Variants in ANXA4 observed in about 807,000 individuals in gnomAD.
The protein encoded by ANXA4 is annexin A4.
ANXA4 carries 39 observed loss-of-function variants against 49.8 expected under a neutral mutation model. That is an observed-to-expected ratio of 0.78 (90% confidence interval 0.61 to 1.02). The LOEUF is 1.02. Among genes scored for constraint, ANXA4 ranks in the 50% least tolerant of loss-of-function variants. The probability of loss-of-function intolerance (pLI) is 0.00; values close to 1 mark genes in which losing one functional copy is unlikely to be tolerated. For synonymous variants in ANXA4, 134 were observed against 152.5 expected (o/e 0.88, Z 0.89); for missense variants, 360 against 410.1 (o/e 0.88, Z 1.05).
intron 3 of ANXA4, among the ~76,000 whole-genome samples, chr2:69,795,248 C>T (rs1427934427): frequency 1.3e-5 from 2 of 152,178 alleles, no homozygotes; most frequent in Non-Finnish European, 2.9e-5. Context: ...TTTGAAATCC[C>T]TGAGGCAGCA....
chr2:69,767,671 A>G (rs1215759085), intron 1 of ANXA4, among the ~76,000 whole-genome samples: 2 of 152,162 alleles, frequency 1.3e-5, no homozygotes, highest in Non-Finnish European at 2.9e-5. Context: ...CTTGTACTAA[A>G]CATGTTTGAC....
intron 1 of ANXA4, among the ~76,000 whole-genome samples, chr2:69,649,105 C>T (rs1396336102): frequency 6.6e-6 from 1 of 151,862 alleles, no homozygotes; most frequent in Non-Finnish European, 1.5e-5. Context: ...AGGCTGGTCT[C>T]GAGCTCTCAA....
chr2:69,804,610 A>G lies in ANXA4; in HGVS notation c.175A>G (p.Lys59Glu), dbSNP rs1244804175. 20 of 1,613,500 alleles carry G rather than the reference A, an allele frequency of 1.2e-5. No homozygotes were observed. The highest frequency in any genetic ancestry group is 1.6e-5 in the Non-Finnish European group (19 of 1,179,734). The change falls in exon 4 of 13, where the codon AAG (lysine) becomes GAG (glutamate). Residue 59 changes from lysine (K) to glutamate (E), a missense_variant. By Grantham distance (56) the Lys-to-Glu change is moderately conservative. Transcript: ENST00000394295. Reference protein sequence around the residue: ...AQRQEIRTAYKSTIGRDLIDD... With the variant: ...AQRQEIRTAYESTIGRDLIDD... ...GCGCCAGGAGATCAGGACAGCCTAC[A>G]AGAGCACCATCGGCAGGGTAGGCCA...
intron 3 of ANXA4, among the ~76,000 whole-genome samples, chr2:69,731,976 C>CTT (rs1349540007): frequency 0.046 from 4,925 of 105,924 alleles, 312 homozygotes; most frequent in African/African-American, 0.18. Flanking sequence ...ATTTTCTTTT[C>CTT]TTTCTTTTTT....
In ANXA4 at chr2:69,711,894, CAT is replaced by C. The variant is rs753497887; in HGVS notation, n.767-8878_767-8877del. Among the ~76,000 whole-genome samples the C allele has an allele frequency of 1.1e-4, 17 of 150,628 alleles. No individual in the cohort carries two copies. The East Asian group carries it at 1.6e-3, about 14-fold the overall frequency. ...TGAGGGCACAGAGAGAGAAAAGAGA[CAT>C]AGAGAAATATGGGGCATGATGGGGG... is the stretch of plus-strand genomic sequence containing the variant. On this transcript the variant is annotated intron_variant and non_coding_transcript_variant, in intron 2 of 3. Transcript: ENST00000418066.
At chr2:69,767,396 C>A (rs376698963) in intron 1 of ANXA4, among the ~76,000 whole-genome samples, 123 of 152,284 alleles carry the variant, frequency 8.1e-4, no homozygotes, top group Middle Eastern at 3.4e-3. Flanking sequence ...ACTTTGGGAA[C>A]TTTGCTATTG....
intron 2 of ANXA4, among the ~76,000 whole-genome samples, chr2:69,659,788 G>GT (rs1283092143): frequency 6.6e-6 from 1 of 152,190 alleles, no homozygotes; most frequent in African/African-American, 2.4e-5. Flanking sequence ...AGAAATGTGA[G>GT]TTTGCAGGTG....
At chr2:69,757,771 A>T (rs1168708948) in intron 1 of ANXA4, among the ~76,000 whole-genome samples, 1 of 151,544 alleles carries the variant, frequency 6.6e-6, no homozygotes, top group Non-Finnish European at 1.5e-5. Flanking sequence ...ATCCTGGGCA[A>T]CATGGTGAAA....
chr2:69,644,400 GGCTGCA>G (rs1675916544), upstream of ANXA4: 1 of 152,170 alleles, frequency 6.6e-6, no homozygotes, highest in South Asian at 2.1e-4. Flanking sequence ...AGTTGGATCC[GGCTGCA>G]CCGAGCGCCA....
chr2:69,680,732 A>C (rs537734080), intron 2 of ANXA4, among the ~76,000 whole-genome samples: 1 of 152,236 alleles, frequency 6.6e-6, no homozygotes, highest in African/African-American at 2.4e-5. Context: ...AATTTTATCA[A>C]ATGCTTTTTC....
chr2:69,802,337 T>C (rs1217764672), intron 3 of ANXA4, among the ~76,000 whole-genome samples: 1 of 151,354 alleles, frequency 6.6e-6, no homozygotes. Flanking sequence ...ATAAAAAGAG[T>C]GAAAGAATGC....
intron 3 of ANXA4, among the ~76,000 whole-genome samples, chr2:69,793,111 A>G (rs936094714): frequency 1.3e-5 from 2 of 151,990 alleles, no homozygotes; most frequent in South Asian, 4.1e-4. Context: ...AATTAGATGG[A>G]TGTGGTGGCG....
chr2:69,779,839 A>G (rs993454145), intron 1 of ANXA4, among the ~76,000 whole-genome samples: 1 of 152,030 alleles, frequency 6.6e-6, no homozygotes, highest in African/African-American at 2.4e-5. Context: ...GCATTTCCTC[A>G]TTATTCCTGA....
chr2:69,694,365 C>T (rs796717121), intron 2 of ANXA4, among the ~76,000 whole-genome samples: 1 of 139,048 alleles, frequency 7.2e-6, no homozygotes, highest in Non-Finnish European at 1.5e-5. Flanking sequence ...CAATACATTT[C>T]TTTTTTTTTT....
chr2:69,737,142 A>T (rs1670266426), upstream of ANXA4, among the ~76,000 whole-genome samples: 2 of 152,220 alleles, frequency 1.3e-5, no homozygotes, highest in African/African-American at 2.4e-5. Context: ...ATTGTCTTTC[A>T]GTTTCATGTG....
At chr2:69,690,314 C>T (rs771264000) in intron 2 of ANXA4, among the ~76,000 whole-genome samples, 1 of 152,308 alleles carries the variant, frequency 6.6e-6, no homozygotes, top group Non-Finnish European at 1.5e-5. Flanking sequence ...TCTCGACTCA[C>T]TGCAGCCTCC....
At chr2:69,717,030 G>T (rs911549885) in intron 2 of ANXA4, among the ~76,000 whole-genome samples, 1 of 152,140 alleles carries the variant, frequency 6.6e-6, no homozygotes, top group African/African-American at 2.4e-5. Context: ...AACCAATCAA[G>T]AAACAAGGGA....
rs763245438 is a variant in ANXA4 at position 69,820,673 on chromosome 2, T to A, written c.784-26T>A. On this transcript the variant is annotated intron_variant, in intron 11 of 12. Coordinates refer to ENST00000394295, the MANE Select transcript of ANXA4 (RefSeq NM_001153.5). ...TGAAAAACAGCTAGGTTTTTGTATA[T>A]GTTTGGATTTCGTTTTCTTCCTTAG... The A allele has an allele frequency of 1.9e-6, 3 of 1,612,756 alleles. No homozygotes were observed. In the East Asian group the frequency reaches 6.7e-5, roughly 36 times the overall value.
chr2:69,687,540 GA>G (rs1473956025), intron 2 of ANXA4, among the ~76,000 whole-genome samples: 1 of 151,774 alleles, frequency 6.6e-6, no homozygotes, highest in Non-Finnish European at 1.5e-5. Flanking sequence ...GGGAAGGAGA[GA>G]AAAAAGAAAG....
Sources: allele counts gnomAD v4.1 joint callset (sites outside exome capture counted in the v4.1 genomes callset), GRCh38; gene constraint gnomAD v4.1.1; transcripts MANE v1.5; gene names NCBI Gene and HGNC (gene_info 2026-07-23, HGNC 2026-07-21).